The following USP45 variants were observed in gnomAD, a reference collection of about 807,000 sequenced individuals.
The protein encoded by USP45 is ubiquitin carboxyl-terminal hydrolase 45.
In USP45, 89 loss-of-function variants were observed where a neutral mutation model predicts 95.8. The observed-to-expected ratio is 0.93, with a 90% CI of 0.78 to 1.11. The LOEUF (loss-of-function observed/expected upper bound fraction) is 1.11. Ranked by LOEUF, USP45 falls within the 50% of genes least tolerant of loss-of-function variation. USP45 has a pLI of 0.00. For missense variants in USP45, 898 were observed against 942.5 expected, an observed-to-expected ratio of 0.95 and a Z score of 0.62; for synonymous variants, 281 against 316.2, an observed-to-expected ratio of 0.89 and a Z score of 1.18.
At chr6:99,504,966 G>C (rs1168089202) in intron 4 of USP45, among the ~76,000 whole-genome samples, 1 of 151,708 alleles carries the variant, frequency 6.6e-6, no homozygotes, top group Non-Finnish European at 1.5e-5. Flanking sequence ...AATGTTTAAA[G>C]CTGGAAAAAC....
rs888893695 is a variant in USP45, at chr6:99,434,515, T to C, written c.*1201A>G. 2.6e-5 allele frequency: 4 copies of C among 152,192 alleles called. No homozygotes were observed. The highest frequency in any genetic ancestry group is 9.6e-5 in the African/African-American group (4 of 41,456). The allele number at this position is 152,192 out of a possible 1,614,324, so 9.4% of individuals were successfully genotyped here. Reference sequence around the variant, plus strand: ...ATATTTAAGCCTAAGTAATAGTATATTCTTCATGCCAAGTTTTGACAGCTC... The same window carrying C: ...ATATTTAAGCCTAAGTAATAGTATACTCTTCATGCCAAGTTTTGACAGCTC... On this transcript the variant is annotated 3_prime_UTR_variant, in exon 18 of 18. Transcript: ENST00000500704.
intron 8 of USP45, among the ~76,000 whole-genome samples, chr6:99,479,163 T>TACAC (rs56121215): frequency 2.8e-5 from 4 of 144,430 alleles, no homozygotes; most frequent in African/African-American, 1.0e-4. Flanking sequence ...TATACATATA[T>TACAC]ACACACACAC....
In USP45 at chr6:99,439,821, A is replaced by G. The variant is rs753729911; in HGVS notation, c.2108T>C (p.Val703Ala). 3.7e-6 allele frequency: 6 copies of G among 1,608,314 alleles called. No homozygotes were observed. The South Asian group carries it at 6.7e-5, about 18-fold the overall frequency. ...TAAATCGAGCATAAGTGGAAAATCTACATGTCTGTTTACTTTACGAAGACT... is the reference window on the plus strand; with the variant it reads ...TAAATCGAGCATAAGTGGAAAATCTGCATGTCTGTTTACTTTACGAAGACT... ...GLSLRKVNRH[V>A]DFPLMLDLAP... The change falls in exon 16 of 18, where the codon GTA becomes GCA. Residue 703 changes from valine (V) to alanine (A), a missense_variant. Transcript: ENST00000500704.
At chr6:99,506,043 C>A (rs1216952344) in intron 4 of USP45, among the ~76,000 whole-genome samples, 1 of 152,180 alleles carries the variant, frequency 6.6e-6, no homozygotes. Flanking sequence ...GGACTCACAA[C>A]AACAAATAAA....
rs565608943 is a variant in USP45 at position 99,445,934 on chromosome 6, G to A, written c.1838C>T (p.Thr613Ile). The A allele has an allele frequency of 1.9e-6, 3 of 1,613,940 alleles. No homozygotes were observed. In the South Asian group the frequency reaches 3.3e-5, roughly 18 times the overall value. ...CTGAATTGAACATTCTTTAGAAGTA[G>A]TTATATAGCTCTGAGAAAGGGTCTG... is the stretch of plus-strand genomic sequence containing the variant. ...AFQTLSQSYI[T>I]TSKECSIQSC... Residue 613 changes from threonine (T) to isoleucine (I), a missense_variant, in exon 14 of 18, where the codon ACT (threonine) becomes ATT (isoleucine). Thr to Ile is a moderately conservative substitution (Grantham distance 89, BLOSUM62 -1). Coordinates refer to ENST00000500704, the MANE Select transcript of USP45 (RefSeq NM_001346022.3).
intron 13 of USP45, among the ~76,000 whole-genome samples, chr6:99,449,888 G>A (rs1414404143): frequency 3.3e-5 from 5 of 152,064 alleles, no homozygotes; most frequent in East Asian, 1.9e-4. Context: ...ACTCAAAACC[G>A]CTCAACTACA....
At position 99,487,605 on chromosome 6, in the gene USP45, T is replaced by C. The variant is rs375029479; in HGVS notation, c.714+595A>G. On this transcript the variant is annotated intron_variant, in intron 7 of 17. Coordinates refer to ENST00000500704, the MANE Select transcript of USP45 (RefSeq NM_001346022.3). ...GAGATCAAGACCATCCTGGCTAACA[T>C]GGTGAAACCCCGTCTCTACTAAAAA... Among the ~76,000 whole-genome samples, 1,245 of 127,066 alleles carry C rather than the reference T, an allele frequency of 9.8e-3. 14 individuals are homozygous for C. Among genetic ancestry groups the C allele is most frequent in the African/African-American group, 0.036 (1,149 of 32,302 alleles). The allele number at this position is 127,066 out of a possible 152,430, so 83.4% of individuals were successfully genotyped here. A position where few individuals can be genotyped will look rare whatever the true frequency, so the allele number is the denominator to read the frequency against.
chr6:99,490,189 T>G (rs1794855287), intron 5 of USP45, among the ~76,000 whole-genome samples: 1 of 152,002 alleles, frequency 6.6e-6, no homozygotes. Context: ...TAAAAAACAG[T>G]GTCTCACTTT....
chr6:99,492,496 ATT>A (rs1479973993), intron 5 of USP45, among the ~76,000 whole-genome samples: 2 of 146,042 alleles, frequency 1.4e-5, no homozygotes, highest in Non-Finnish European at 1.5e-5. Flanking sequence ...AGAAAATAGA[ATT>A]TTTTTTTTTT....
intron 7 of USP45, among the ~76,000 whole-genome samples, chr6:99,483,372 C>T (rs975836722): frequency 1.3e-5 from 2 of 152,202 alleles, no homozygotes; most frequent in South Asian, 2.1e-4. Context: ...AGGGGAGAGA[C>T]ATAAAGCTTG....
chr6:99,458,986 A>AT (rs1785715491), intron 13 of USP45, among the ~76,000 whole-genome samples: 1 of 152,066 alleles, frequency 6.6e-6, no homozygotes, highest in South Asian at 2.1e-4. Flanking sequence ...AATGAGATTT[A>AT]TTTTTTCAAC....
At chr6:99,443,076 G>C (rs990935869) in intron 15 of USP45, among the ~76,000 whole-genome samples, 1 of 152,078 alleles carries the variant, frequency 6.6e-6, no homozygotes, top group Non-Finnish European at 1.5e-5. Context: ...ATATTAGCCA[G>C]TGTGGTGGTG....
At chr6:99,494,843 G>T (rs189799987) in intron 5 of USP45, among the ~76,000 whole-genome samples, 1,614 of 152,270 alleles carry the variant, frequency 0.011, 10 homozygotes, top group Non-Finnish European at 0.018. Flanking sequence ...GCAGTGAGCT[G>T]AGATCATGCC....
intron 13 of USP45, among the ~76,000 whole-genome samples, chr6:99,456,791 A>G (rs1002983054): frequency 1.3e-5 from 2 of 149,486 alleles, no homozygotes; most frequent in Non-Finnish European, 3.0e-5. Context: ...AAAGAACAGA[A>G]TAACAGCAAT....
At chr6:99,472,534 T>C (rs1468639018) in intron 9 of USP45, among the ~76,000 whole-genome samples, 5 of 152,044 alleles carry the variant, frequency 3.3e-5, no homozygotes, top group Non-Finnish European at 5.9e-5. Context: ...TAATTTTTAA[T>C]TCCATTTAAT....
chr6:99,452,625 C>T (rs933085825), intron 13 of USP45, among the ~76,000 whole-genome samples: 2 of 152,192 alleles, frequency 1.3e-5, no homozygotes, highest in Non-Finnish European at 2.9e-5. Context: ...GTGGCTATTC[C>T]TCAAGGATCT....
In USP45 at chr6:99,501,786, A is replaced by G. The variant is rs187916987; in HGVS notation, c.478+1979T>C. ...AGGTAACAAAGTATACAATAACAAA[A>G]TACATAATACATTACTGTTATATAA... On this transcript the variant is annotated intron_variant, in intron 5 of 17. Coordinates refer to ENST00000500704, the MANE Select transcript of USP45 (RefSeq NM_001346022.3). The G allele has an allele frequency of 9.5e-6, 5 of 523,642 alleles. No individual in the cohort carries two copies. The Admixed American group carries it at 2.4e-4, about 25-fold the overall frequency. The allele number at this position is 523,642 out of a possible 1,614,324, so 32.4% of individuals were successfully genotyped here.
rs934053574 is a variant in USP45 at position 99,443,771 on chromosome 6, G to T, written c.1976-109C>A. On this transcript the variant is annotated intron_variant, in intron 14 of 17. Transcript: ENST00000500704. ...ATACCACATTTTTAAAAATGTTAAA[G>T]AAATTGGACTTCTGATGAAAGGACA... 16 of 692,340 alleles carry T rather than the reference G, an allele frequency of 2.3e-5. 1 individual carries two copies. The highest frequency in any genetic ancestry group is 2.2e-6 in the Non-Finnish European group (1 of 445,478). The allele number at this position is 692,340 out of a possible 1,614,324, so 42.9% of individuals were successfully genotyped here. A position where few individuals can be genotyped will look rare whatever the true frequency, so the allele number is the denominator to read the frequency against.
rs538999780 is a variant in USP45, at chr6:99,452,554, T to C, written c.1309-6091A>G. 7.3e-4 allele frequency among the ~76,000 whole-genome samples: 111 copies of C among 152,248 alleles called. 1 individual carries two copies. The highest frequency in any genetic ancestry group is 1.1e-3 in the Non-Finnish European group (75 of 68,008). On this transcript the variant is annotated intron_variant, in intron 13 of 17. Coordinates refer to ENST00000500704, the MANE Select transcript of USP45 (RefSeq NM_001346022.3). The stretch of plus-strand genomic sequence containing the variant: ...AGGTGCTGGAGAGGATGTGGAGAAA[T>C]AGGAACACTTTTACACTGTTGGTGG...
Sources: gnomAD v4.1 joint callset for allele counts (sites outside exome capture counted in the v4.1 genomes callset) on GRCh38, gnomAD v4.1.1 for gene constraint, MANE v1.5 for transcripts, NCBI Gene and HGNC (gene_info 2026-07-23, HGNC 2026-07-21) for gene names.